GPM6A: variants seen among roughly 807,000 people sequenced by gnomAD.
GPM6A encodes neuronal membrane glycoprotein M6-a.
A neutral mutation model predicts 32.1 loss-of-function variants in GPM6A; 7 were observed. The ratio of observed to expected loss-of-function variants is 0.22; its 90% CI spans 0.12 to 0.41. The LOEUF (loss-of-function observed/expected upper bound fraction) is 0.41, where lower values mean the gene tolerates loss of function less well. GPM6A is among the 10% of genes least tolerant of loss of function. The probability of loss-of-function intolerance (pLI) is 1.00; values close to 1 mark genes in which losing one functional copy is unlikely to be tolerated. For synonymous variants in GPM6A, 130 were observed against 123.4 expected, an observed-to-expected ratio of 1.05 and a Z score of -0.35; for missense variants, 235 against 347.2, an observed-to-expected ratio of 0.68 and a Z score of 2.57.
At chr4:175,792,455 A>G (rs1215831675) in intron 1 of GPM6A, among the ~76,000 whole-genome samples, 1 of 151,900 alleles carries the variant, frequency 6.6e-6, no homozygotes, top group East Asian at 1.9e-4. Context: ...GCAACCCTAT[A>G]TTTTTTTTAC....
chr4:175,684,070 C>T (rs189628878), intron 2 of GPM6A, among the ~76,000 whole-genome samples: 2,250 of 152,134 alleles, frequency 0.015, 45 homozygotes, highest in Admixed American at 0.043. Context: ...ACCTCGTGAT[C>T]CACCTGCCTC....
intron 1 of GPM6A, among the ~76,000 whole-genome samples, chr4:175,779,055 G>GA (rs1354473379): frequency 6.6e-6 from 1 of 151,642 alleles, no homozygotes; most frequent in Non-Finnish European, 1.5e-5. Flanking sequence ...TGATATTCCA[G>GA]AAAAAAAAGA....
At chr4:175,940,442 A>T (rs949972778) in intron 1 of GPM6A, among the ~76,000 whole-genome samples, 1 of 152,200 alleles carries the variant, frequency 6.6e-6, no homozygotes, top group Non-Finnish European at 1.5e-5. Flanking sequence ...TAGCACTATC[A>T]TATTAATCAA....
intron 1 of GPM6A, among the ~76,000 whole-genome samples, chr4:175,873,525 A>T (rs1244014018): frequency 6.6e-6 from 1 of 152,164 alleles, no homozygotes; most frequent in African/African-American, 2.4e-5. Flanking sequence ...AACATAGCCA[A>T]ACTATAAATA....
chr4:175,722,277 G>A (rs1413860679), intron 1 of GPM6A, among the ~76,000 whole-genome samples: 1 of 151,988 alleles, frequency 6.6e-6, no homozygotes, highest in African/African-American at 2.4e-5. Flanking sequence ...TGATGAGAGA[G>A]TGGAAGTCGT....
intron 4 of GPM6A, among the ~76,000 whole-genome samples, chr4:175,642,592 T>C (rs191702538): frequency 6.6e-6 from 1 of 152,328 alleles, no homozygotes; most frequent in Non-Finnish European, 1.5e-5. Context: ...CTTCATGCTC[T>C]CTTCATTTGT....
intron 1 of GPM6A, among the ~76,000 whole-genome samples, chr4:175,905,306 T>C (rs1738095657): frequency 1.3e-5 from 2 of 152,178 alleles, no homozygotes; most frequent in African/African-American, 4.8e-5. Context: ...GGGCTACATG[T>C]GGCCCAGAAT....
intron 2 of GPM6A, among the ~76,000 whole-genome samples, chr4:175,683,292 A>G (rs1367122226): frequency 3.3e-5 from 5 of 152,134 alleles, no homozygotes; most frequent in Admixed American, 6.5e-5. Flanking sequence ...ATATTTACCT[A>G]CTGTCTGTGT....
intron 1 of GPM6A, among the ~76,000 whole-genome samples, chr4:175,724,125 T>C (rs1746281188): frequency 1.3e-5 from 2 of 152,124 alleles, no homozygotes. Context: ...CATTCAGCCT[T>C]AAAAAAGAAG....
chr4:175,909,742 C>T (rs1438871869), intron 1 of GPM6A, among the ~76,000 whole-genome samples: 3 of 152,092 alleles, frequency 2.0e-5, no homozygotes, highest in African/African-American at 7.2e-5. Context: ...TTGTGAATCA[C>T]AAAAGTTGGT....
chr4:175,948,098 G>A (rs1739669814), intron 1 of GPM6A, among the ~76,000 whole-genome samples: 1 of 152,134 alleles, frequency 6.6e-6, no homozygotes, highest in Non-Finnish European at 1.5e-5. Flanking sequence ...GAGGACACCT[G>A]AAGATAATAC....
intron 1 of GPM6A, among the ~76,000 whole-genome samples, chr4:175,716,535 C>T (rs1393040507): frequency 6.6e-6 from 1 of 150,992 alleles, no homozygotes; most frequent in Non-Finnish European, 1.5e-5. Context: ...AACTGGCAAA[C>T]TTGGACTTGT....
At chr4:175,660,566 T>C (rs947171995) in intron 3 of GPM6A, among the ~76,000 whole-genome samples, 5 of 152,172 alleles carry the variant, frequency 3.3e-5, no homozygotes, top group Non-Finnish European at 5.9e-5. Flanking sequence ...GGAAATATGT[T>C]GCTAAAAAAT....
intron 3 of GPM6A, among the ~76,000 whole-genome samples, chr4:175,663,690 G>T (rs571042570): frequency 2.8e-5 from 4 of 143,056 alleles, no homozygotes; most frequent in Non-Finnish European, 6.0e-5. Context: ...TTGGTAAAAT[G>T]TAAATTTTTT....
At chr4:175,866,856 G>A (rs922784199) in intron 1 of GPM6A, among the ~76,000 whole-genome samples, 1 of 152,102 alleles carries the variant, frequency 6.6e-6, no homozygotes, top group Non-Finnish European at 1.5e-5. Context: ...CTTCCAAAGC[G>A]GTTATACCAT....
upstream of GPM6A, chr4:175,813,177 TC>T (rs1734996190): frequency 3.2e-6 from 2 of 622,852 alleles, no homozygotes; most frequent in African/African-American, 4.0e-5. Flanking sequence ...CCAATGAGAA[TC>T]TCTTGAAAGG....
chr4:175,664,663 G>A (rs1362796683), intron 3 of GPM6A, among the ~76,000 whole-genome samples: 2 of 152,186 alleles, frequency 1.3e-5, no homozygotes, highest in African/African-American at 2.4e-5. Context: ...TCTAGCACAC[G>A]GATGACTGCA....
chr4:175,667,210 A>G (rs916776742), intron 3 of GPM6A, among the ~76,000 whole-genome samples: 2 of 152,118 alleles, frequency 1.3e-5, no homozygotes, highest in African/African-American at 4.8e-5. Flanking sequence ...GTGTCATTTC[A>G]TGTGTTTAGT....
chr4:175,981,441 G>A (rs1017447369), intron 1 of GPM6A, among the ~76,000 whole-genome samples: 2 of 152,140 alleles, frequency 1.3e-5, no homozygotes, highest in Non-Finnish European at 2.9e-5. Context: ...CTTAAGCACT[G>A]CTTTGTTTTT....
Sources: allele counts gnomAD v4.1 joint callset (sites outside exome capture counted in the v4.1 genomes callset), GRCh38; gene constraint gnomAD v4.1.1; transcripts MANE v1.5; gene names NCBI Gene and HGNC (gene_info 2026-07-23, HGNC 2026-07-21).